TRIM33: variants seen among roughly 807,000 people sequenced by gnomAD.
The protein encoded by TRIM33 is tripartite motif containing 33.
A neutral mutation model predicts 125.4 loss-of-function variants in TRIM33; 20 were observed. That is an observed-to-expected ratio of 0.16 (90% CI 0.11 to 0.23). The LOEUF is 0.23. Among genes scored for constraint, TRIM33 ranks in the 10% least tolerant of loss-of-function variants. The pLI, the probability that TRIM33 is intolerant of heterozygous loss-of-function variation, is 1.00. For synonymous variants in TRIM33, 564 were observed against 513.9 expected (o/e 1.10, Z -1.32); for missense variants, 920 against 1,411.4 (o/e 0.65, Z 5.58).
chr1:114,408,730 A>C lies in TRIM33; in HGVS notation c.2205T>G (p.Asn735Lys), dbSNP rs1353734156. ...ALSPGSSGLSNSHTPVRPPST... is the reference protein window; with the variant it reads ...ALSPGSSGLSKSHTPVRPPST... Reference sequence around the variant, plus strand: ...TTGGGGGTCTCACAGGTGTGTGAGAATTGGATAAACCTAAAAAGTAGTAAG... The same window carrying C: ...TTGGGGGTCTCACAGGTGTGTGAGACTTGGATAAACCTAAAAAGTAGTAAG... Residue 735 changes from asparagine to lysine, a missense_variant, in exon 13 of 20, where the codon AAT becomes AAG. This residue lies in a region of TRIM33 where 407 missense variants were observed against 589.7 expected (regional missense o/e 0.69). Transcript: ENST00000358465. 2.5e-6 allele frequency: 4 copies of C among 1,601,836 alleles called. No homozygotes were observed.
intron 1 of TRIM33, among the ~76,000 whole-genome samples, chr1:114,503,637 T>A (rs1297360965): frequency 6.6e-6 from 1 of 152,198 alleles, no homozygotes; most frequent in African/African-American, 2.4e-5. Flanking sequence ...TTCATTAATA[T>A]CACCACCAAT....
At chr1:114,506,936 A>G (rs1047678583) in intron 1 of TRIM33, among the ~76,000 whole-genome samples, 4 of 152,220 alleles carry the variant, frequency 2.6e-5, no homozygotes, top group African/African-American at 9.6e-5. Flanking sequence ...CACCAAATCA[A>G]CTAAACCAGT....
At chr1:114,508,140 A>G (rs911946642) in intron 1 of TRIM33, among the ~76,000 whole-genome samples, 12 of 152,118 alleles carry the variant, frequency 7.9e-5, no homozygotes, top group Non-Finnish European at 1.8e-4. Context: ...TTAATCAAAA[A>G]CATGGTGGAT....
At chr1:114,400,457 C>G (rs1052272813) in intron 17 of TRIM33, among the ~76,000 whole-genome samples, 13 of 152,290 alleles carry the variant, frequency 8.5e-5, no homozygotes, top group African/African-American at 2.9e-4. Context: ...GCCTGCCAGG[C>G]CTCCCAAAAT....
rs1175569802 is a variant in TRIM33, at chr1:114,421,599, A to G, written c.1898T>C (p.Val633Ala). Residue 633 changes from valine to alanine, a missense_variant, in exon 11 of 20, where the codon GTA becomes GCA. This residue lies in a region of TRIM33 where 407 missense variants were observed against 589.7 expected (regional missense o/e 0.69). Coordinates refer to ENST00000358465, the MANE Select transcript of TRIM33 (RefSeq NM_015906.4). The part of the protein sequence containing the change: ...NPGHAGPFPV[V>A]SVHNTTINPT... Reference sequence around the variant, plus strand: ...GTTGATTGTGGTGTTGTGTACCGATACTACGGGAAAGGGTCCAGCATGCCC... The same window carrying G: ...GTTGATTGTGGTGTTGTGTACCGATGCTACGGGAAAGGGTCCAGCATGCCC... The G allele has an allele frequency of 1.2e-6, 2 of 1,614,138 alleles. No homozygotes were observed. Among genetic ancestry groups the G allele is most frequent in the South Asian group, 1.1e-5 (1 of 91,090 alleles).
At chr1:114,472,033 T>C (rs1488609016) in intron 1 of TRIM33, among the ~76,000 whole-genome samples, 6 of 152,212 alleles carry the variant, frequency 3.9e-5, no homozygotes, top group African/African-American at 1.4e-4. Context: ...AGGCATTTGA[T>C]TATAGGGTAC....
At chr1:114,466,229 A>G (rs1284155267) in intron 1 of TRIM33, among the ~76,000 whole-genome samples, 3 of 152,136 alleles carry the variant, frequency 2.0e-5, no homozygotes, top group African/African-American at 7.2e-5. Flanking sequence ...GAAGATAAGT[A>G]TAAGTAACTG....
intron 13 of TRIM33, among the ~76,000 whole-genome samples, chr1:114,408,323 T>C (rs554781857): frequency 1.6e-4 from 24 of 152,150 alleles, no homozygotes; most frequent in Non-Finnish European, 3.2e-4. Flanking sequence ...AAGGCATTTG[T>C]TGCAAAAATT....
chr1:114,504,977 G>A (rs1306228310), intron 1 of TRIM33, among the ~76,000 whole-genome samples: 4 of 152,088 alleles, frequency 2.6e-5, no homozygotes, highest in Admixed American at 1.3e-4. Flanking sequence ...AAAAATTACC[G>A]AAATAACACT....
intron 11 of TRIM33, among the ~76,000 whole-genome samples, chr1:114,414,989 A>ATT (rs56960865): frequency 0.02 from 2,103 of 104,540 alleles, 156 homozygotes; most frequent in African/African-American, 0.061. Flanking sequence ...GGTAGATTCT[A>ATT]TTTTTTTTTT....
chr1:114,488,422 C>T lies in TRIM33; in HGVS notation c.526+22129G>A, dbSNP rs151141909. On this transcript the variant is annotated intron_variant, in intron 1 of 19. Transcript: ENST00000358465. ...CTTAAACCATAATCTAACAGTAATG[C>T]TATCTATTAATACAAGAAGCTTCAA... Among the ~76,000 whole-genome samples the T allele has an allele frequency of 3.8e-4, 58 of 152,196 alleles. No individual in the cohort carries two copies. In the East Asian group the frequency reaches 9.1e-3, roughly 24 times the overall value.
intron 1 of TRIM33, among the ~76,000 whole-genome samples, chr1:114,477,878 A>C (rs542074926): frequency 1.3e-5 from 2 of 152,328 alleles, no homozygotes; most frequent in Admixed American, 6.5e-5. Context: ...GTTCTAGAAA[A>C]CACAGGATAC....
chr1:114,412,381 A>C (rs1478867324), intron 11 of TRIM33, among the ~76,000 whole-genome samples: 1 of 152,216 alleles, frequency 6.6e-6, no homozygotes, highest in Non-Finnish European at 1.5e-5. Context: ...ATGTACAATA[A>C]ACTAAATATA....
At chr1:114,465,899 C>T (rs374255210) in intron 1 of TRIM33, among the ~76,000 whole-genome samples, 3 of 151,638 alleles carry the variant, frequency 2.0e-5, no homozygotes, top group African/African-American at 7.3e-5. Context: ...AAAAGTCAGC[C>T]GGGTGTGGTG....
At chr1:114,473,818 C>A in intron 1 of TRIM33, among the ~76,000 whole-genome samples, 1 of 152,010 alleles carries the variant, frequency 6.6e-6, no homozygotes. Context: ...CTAACCATAA[C>A]AATAATGATA....
At chr1:114,414,027 G>GCACGCA (rs1553207070) in intron 11 of TRIM33, among the ~76,000 whole-genome samples, 4 of 130,588 alleles carry the variant, frequency 3.1e-5, no homozygotes, top group South Asian at 5.7e-4. Context: ...TAAATCACAG[G>GCACGCA]CACACACACA....
intron 11 of TRIM33, 144 bp from the exon 12 acceptor site, chr1:114,410,460 T>A: frequency 3.8e-6 from 3 of 799,062 alleles, no homozygotes; most frequent in Non-Finnish European, 3.8e-6. Flanking sequence ...TTCCTTAGGG[T>A]CCACTGAGGG....
rs371556352 is a variant in TRIM33, at chr1:114,487,770, G to A, written c.526+22781C>T. 9.7e-4 allele frequency among the ~76,000 whole-genome samples: 146 copies of A among 150,836 alleles called. 2 individuals carry two copies. In the East Asian group the frequency reaches 0.019, roughly 20 times the overall value. On this transcript the variant is annotated intron_variant, in intron 1 of 19. Coordinates refer to ENST00000358465, the MANE Select transcript of TRIM33 (RefSeq NM_015906.4). ...AAATTAGCCGGGCGCGGTGGCGGGC[G>A]CCTGTAGTCCCAGCTACTCGGGAGG... is the stretch of plus-strand genomic sequence containing the variant.
At chr1:114,508,710 C>A (rs1653152335) in intron 1 of TRIM33, among the ~76,000 whole-genome samples, 1 of 152,116 alleles carries the variant, frequency 6.6e-6, no homozygotes, top group South Asian at 2.1e-4. Context: ...TTGTCTCCCT[C>A]ACACCAATCT....
Sources: allele counts gnomAD v4.1 joint callset (sites outside exome capture counted in the v4.1 genomes callset), GRCh38; gene constraint gnomAD v4.1.1; regional missense constraint gnomAD v4.1.1; transcripts MANE v1.5; gene names NCBI Gene and HGNC (gene_info 2026-07-23, HGNC 2026-07-21).